Variants in USP30 observed in about 807,000 individuals in gnomAD.
USP30 encodes the protein ubiquitin specific peptidase 30, also known as ubiquitin carboxyl-terminal hydrolase 30.
A neutral mutation model predicts 68.2 loss-of-function variants in USP30; 41 were observed. The ratio of observed to expected loss-of-function variants is 0.60; its 90% CI spans 0.47 to 0.78. USP30 has a LOEUF of 0.78. Ranked by LOEUF, USP30 falls within the 30% of genes least tolerant of loss-of-function variation. The pLI is 0.00. For synonymous variants in USP30, 229 were observed against 253.7 expected (o/e 0.90, Z 0.93); for missense variants, 522 against 649.4 (o/e 0.80, Z 2.13).
intron 7 of USP30, among the ~76,000 whole-genome samples, chr12:109,074,724 C>T (rs541981019): frequency 2.6e-5 from 4 of 152,212 alleles, no homozygotes; most frequent in South Asian, 4.1e-4. Context: ...TGTGTGTGCA[C>T]GTGCACCTGT....
At chr12:109,023,991 G>A (rs1002529930) in intron 1 of USP30, among the ~76,000 whole-genome samples, 11 of 151,992 alleles carry the variant, frequency 7.2e-5, no homozygotes, top group Admixed American at 2.6e-4. Flanking sequence ...AAAGGAAAAA[G>A]GGAGTTTGCA....
chr12:109,046,673 T>C (rs1380031687), intron 3 of USP30, among the ~76,000 whole-genome samples: 1 of 152,128 alleles, frequency 6.6e-6, no homozygotes, highest in Non-Finnish European at 1.5e-5. Context: ...GCCAGCCAGC[T>C]GGAAGGTCTG....
In USP30 at chr12:109,052,612, TC is replaced by T; in HGVS notation, c.-64del. ...TTCCGCTGTCTCGGGAACCGTCGTATCCCTCGGTCCGGCGGCGGCGGCGGCG... is the reference window on the plus strand; with the variant it reads ...TTCCGCTGTCTCGGGAACCGTCGTATCCTCGGTCCGGCGGCGGCGGCGGCG... On this transcript the variant is annotated 5_prime_UTR_variant, in exon 1 of 13. Transcript: ENST00000257548. 8.4e-7 allele frequency: 1 copy of T among 1,196,940 alleles called. No homozygotes were observed. The highest frequency in any genetic ancestry group is 1.1e-6 in the Non-Finnish European group (1 of 899,008). 74.1% of individuals were successfully genotyped at this position (1,196,940 alleles called of 1,614,324 possible).
chr12:109,059,952 A>C (rs755603377), intron 3 of USP30: 1 of 152,270 alleles, frequency 6.6e-6, no homozygotes, highest in Non-Finnish European at 1.5e-5. Flanking sequence ...AAAGGAAAGA[A>C]TGTAGATATC....
intron 3 of USP30, among the ~76,000 whole-genome samples, chr12:109,031,539 C>T (rs887175129): frequency 6.6e-6 from 1 of 152,194 alleles, no homozygotes; most frequent in African/African-American, 2.4e-5. Context: ...CAAACAAAAA[C>T]GTGAACAACA....
At chr12:109,075,182 A>G (rs919863887) in intron 7 of USP30, among the ~76,000 whole-genome samples, 3 of 152,126 alleles carry the variant, frequency 2.0e-5, no homozygotes, top group Non-Finnish European at 4.4e-5. Context: ...TATCTTTGAG[A>G]TACTGATTTC....
intron 1 of USP30, among the ~76,000 whole-genome samples, chr12:109,023,779 C>A (rs185235850): frequency 1.3e-5 from 2 of 150,854 alleles, no homozygotes; most frequent in Non-Finnish European, 3.0e-5. Flanking sequence ...ATTACAGGTG[C>A]CCGCCACCAT....
intron 3 of USP30, among the ~76,000 whole-genome samples, chr12:109,067,208 G>T (rs1219869994): frequency 6.7e-6 from 1 of 150,168 alleles, no homozygotes; most frequent in Non-Finnish European, 1.5e-5. Context: ...CCGCCTCCCG[G>T]GTTCATGCCA....
In USP30 at chr12:109,071,626, A is replaced by G; in HGVS notation, c.495A>G (p.Leu165=). The G allele has an allele frequency of 6.2e-7, 1 of 1,614,174 alleles. No homozygotes were observed. Among genetic ancestry groups the G allele is most frequent in the Middle Eastern group, 1.6e-4 (1 of 6,062 alleles). The change falls in exon 5 of 13, where the codon TTA becomes TTG. Residue 165 remains leucine (L), a synonymous_variant. Transcript: ENST00000257548. ...CCCTATGACAGGATGCTCACGAATT[A>G]TTCCATGTCATTACCTCGTCATTGG... ...SSFEEQDAHE[L]FHVITSSLED...
chr12:109,062,522 G>A (rs868035266), intron 3 of USP30, among the ~76,000 whole-genome samples: 2 of 151,112 alleles, frequency 1.3e-5, no homozygotes, highest in African/African-American at 4.9e-5. Context: ...TAGAGACGGG[G>A]TTTCACCGTG....
intron 1 of USP30, among the ~76,000 whole-genome samples, chr12:109,055,400 A>ATATATATAT (rs1298811530): frequency 4.1e-5 from 1 of 24,468 alleles, no homozygotes; most frequent in African/African-American, 1.1e-4. Context: ...ATATATATAT[A>ATATATATAT]TTTTTTTTTT....
chr12:109,078,826 A>C (rs941338791), intron 7 of USP30, among the ~76,000 whole-genome samples: 1 of 152,200 alleles, frequency 6.6e-6, no homozygotes, highest in African/African-American at 2.4e-5. Flanking sequence ...TTTTTGAAGA[A>C]TACTACTGCT....
chr12:109,056,940 C>T (rs1028662483), intron 2 of USP30, 149 bp downstream of exon 2: 7 of 507,434 alleles, frequency 1.4e-5, no homozygotes, highest in Admixed American at 8.0e-5. Flanking sequence ...GTACTTTTAC[C>T]GTTAGTCATT....
chr12:109,081,501 ATGGT>A (rs1329437239), intron 8 of USP30, 108 bp downstream of exon 8: 1 of 1,150,074 alleles, frequency 8.7e-7, no homozygotes, highest in East Asian at 2.4e-5. Context: ...ATTCAGATAC[ATGGT>A]TGGTTGAACC....
chr12:109,065,971 G>T (rs1159753894), intron 3 of USP30, among the ~76,000 whole-genome samples: 2 of 152,170 alleles, frequency 1.3e-5, no homozygotes, highest in Admixed American at 1.3e-4. Context: ...CTAAGATGTG[G>T]CCAGGCACAG....
chr12:109,051,144 C>T (rs1436619570), upstream of USP30, among the ~76,000 whole-genome samples: 1 of 152,050 alleles, frequency 6.6e-6, no homozygotes, highest in Non-Finnish European at 1.5e-5. Context: ...CTCACCTGGC[C>T]TCCCAAAGTG....
chr12:109,063,063 A>G (rs953196242), intron 3 of USP30, among the ~76,000 whole-genome samples: 8 of 152,072 alleles, frequency 5.3e-5, no homozygotes, highest in East Asian at 1.9e-4. Context: ...TATACCATGT[A>G]TCAGAATTTC....
rs111501176 is a variant in USP30, at chr12:109,059,016, A to G, written c.376+908A>G. On this transcript the variant is annotated intron_variant, in intron 3 of 12. Transcript: ENST00000257548. ...CAGTACTGTTTGACCCAGTAATTCC[A>G]TGTCTGGGAGTCCGCCTTATGAAAA... 3.7e-3 allele frequency among the ~76,000 whole-genome samples: 569 copies of G among 152,292 alleles called. 6 individuals are homozygous for G. Among genetic ancestry groups the G allele is most frequent in the African/African-American group, 0.013 (548 of 41,568 alleles).
chr12:109,075,557 G>T (rs1231294412), intron 7 of USP30, among the ~76,000 whole-genome samples: 1 of 152,136 alleles, frequency 6.6e-6, no homozygotes, highest in Non-Finnish European at 1.5e-5. Context: ...TCACCATATT[G>T]GCCAGGCTGG....
Sources: gnomAD v4.1 joint callset for allele counts (sites outside exome capture counted in the v4.1 genomes callset) on GRCh38, gnomAD v4.1.1 for gene constraint, MANE v1.5 for transcripts, NCBI Gene and HGNC (gene_info 2026-07-23, HGNC 2026-07-21) for gene names.